TRIO: variants seen among roughly 807,000 people sequenced by gnomAD.
The protein encoded by TRIO is triple functional domain protein.
TRIO carries 58 observed loss-of-function variants against 351.9 expected under a neutral mutation model. That is an observed-to-expected ratio of 0.16 (90% CI 0.13 to 0.21). TRIO has a LOEUF of 0.21. Ranked by LOEUF, TRIO falls within the 10% of genes least tolerant of loss-of-function variation. The probability of loss-of-function intolerance (pLI) is 1.00; values close to 1 mark genes in which losing one functional copy is unlikely to be tolerated. For missense variants in TRIO, 3,201 were observed against 4,027.8 expected, an observed-to-expected ratio of 0.79 and a Z score of 5.56; for synonymous variants, 1,758 against 1,595.7, an observed-to-expected ratio of 1.10 and a Z score of -2.42.
At chr5:14,290,114 C>T (rs1017946764) in intron 4 of TRIO, among the ~76,000 whole-genome samples, 5 of 152,112 alleles carry the variant, frequency 3.3e-5, no homozygotes, top group African/African-American at 1.2e-4. Context: ...ATTTGATGGG[C>T]AGTGGGGTTA....
intron 2 of TRIO, among the ~76,000 whole-genome samples, chr5:14,277,681 T>A (rs1581510096): frequency 6.6e-6 from 1 of 152,220 alleles, no homozygotes; most frequent in African/African-American, 2.4e-5. Flanking sequence ...TTCTGCGTTA[T>A]ACTCAGATGC....
intron 21 of TRIO, among the ~76,000 whole-genome samples, chr5:14,385,157 C>T (rs780040612): frequency 5.3e-5 from 8 of 152,316 alleles, no homozygotes; most frequent in South Asian, 2.1e-4. Context: ...CAGAGGCCTC[C>T]GGTGGCATCT....
At chr5:14,222,913 G>A (rs927026032) in intron 1 of TRIO, among the ~76,000 whole-genome samples, 5 of 152,192 alleles carry the variant, frequency 3.3e-5, no homozygotes, top group Non-Finnish European at 5.9e-5. Context: ...AGAATCAGAT[G>A]GCGTGCAGTG....
At chr5:14,397,500 G>T (rs942848816) in intron 29 of TRIO, among the ~76,000 whole-genome samples, 3 of 152,188 alleles carry the variant, frequency 2.0e-5, no homozygotes, top group African/African-American at 4.8e-5. Flanking sequence ...ATCCTTAAAA[G>T]AATGTGTTGC....
At chr5:14,212,435 A>G (rs1046382558) in intron 1 of TRIO, among the ~76,000 whole-genome samples, 10 of 151,384 alleles carry the variant, frequency 6.6e-5, no homozygotes, top group Non-Finnish European at 1.5e-4. Context: ...TTCCACCCCA[A>G]CTCTCCCTCC....
intron 34 of TRIO, among the ~76,000 whole-genome samples, chr5:14,428,121 T>C (rs1466703814): frequency 6.6e-6 from 1 of 152,154 alleles, no homozygotes; most frequent in African/African-American, 2.4e-5. Flanking sequence ...AATCTGAGTC[T>C]CCTCAGAGTC....
At chr5:14,374,412 C>T (rs538726098) in intron 19 of TRIO, 69 bp downstream of exon 19, 29 of 1,208,916 alleles carry the variant, frequency 2.4e-5, no homozygotes, top group Middle Eastern at 2.0e-4. Context: ...GGAGCCTGCA[C>T]GTTGTGTTCT....
At chr5:14,151,646 G>A (rs1212007285) in intron 1 of TRIO, among the ~76,000 whole-genome samples, 6 of 152,140 alleles carry the variant, frequency 3.9e-5, no homozygotes, top group African/African-American at 9.7e-5. Flanking sequence ...ATGAGAAGTC[G>A]TTAAGATGTT....
At chr5:14,375,302 C>T (rs779299097) in intron 19 of TRIO, among the ~76,000 whole-genome samples, 38 of 152,158 alleles carry the variant, frequency 2.5e-4, no homozygotes, top group Non-Finnish European at 4.3e-4. Flanking sequence ...TGGCTCATTT[C>T]CTGTAGAAAT....
intron 1 of TRIO, among the ~76,000 whole-genome samples, chr5:14,241,492 A>G (rs1341370605): frequency 6.6e-6 from 1 of 152,198 alleles, no homozygotes; most frequent in Non-Finnish European, 1.5e-5. Context: ...GTAATAGAGT[A>G]AGCTGTTGGT....
chr5:14,356,187 A>G (rs1344770975), intron 11 of TRIO, among the ~76,000 whole-genome samples: 1 of 152,246 alleles, frequency 6.6e-6, no homozygotes, highest in African/African-American at 2.4e-5. Flanking sequence ...GCAAATAACA[A>G]TAAAAGTATA....
intron 3 of TRIO, among the ~76,000 whole-genome samples, chr5:14,281,399 A>C (rs1312960112): frequency 6.8e-6 from 1 of 146,184 alleles, no homozygotes; most frequent in Non-Finnish European, 1.5e-5. Flanking sequence ...GGACAGCACT[A>C]GGGAGATGGT....
chr5:14,478,498 T>G (rs1755260727), intron 41 of TRIO, among the ~76,000 whole-genome samples: 1 of 152,162 alleles, frequency 6.6e-6, no homozygotes, highest in Admixed American at 6.5e-5. Context: ...CACTGTACTT[T>G]GAGGATCACT....
chr5:14,324,063 A>T (rs898823912), intron 9 of TRIO, among the ~76,000 whole-genome samples: 2 of 152,216 alleles, frequency 1.3e-5, no homozygotes, highest in African/African-American at 4.8e-5. Context: ...AGAATGTAAT[A>T]TGTTCATTTC....
intron 3 of TRIO, among the ~76,000 whole-genome samples, chr5:14,281,772 G>A (rs933884414): frequency 6.6e-6 from 1 of 152,226 alleles, no homozygotes; most frequent in Middle Eastern, 3.4e-3. Context: ...TTTCCTAAGA[G>A]ACTAAATGAG....
In TRIO at chr5:14,389,348, A is replaced by C. The variant is rs1256376026; in HGVS notation, c.4008A>C (p.Lys1336Asn). 6.2e-7 allele frequency: 1 copy of C among 1,612,726 alleles called. No homozygotes were observed. ...VEEIPPGIVN[K>N]ELIIFGNMQE... ...AGATTCCACCTGGCATTGTAAACAA[A>C]GAACTCATCATCTTCGGAAACATGC... The change falls in exon 25 of 57, where the codon AAA becomes AAC. Residue 1336 changes from lysine (K) to asparagine (N), a missense_variant. Physicochemically the swap from Lys to Asn is moderately conservative, Grantham distance 94. Transcript: ENST00000344204.
intron 11 of TRIO, among the ~76,000 whole-genome samples, chr5:14,349,946 T>C (rs368405003): frequency 3.3e-5 from 5 of 152,342 alleles, no homozygotes; most frequent in Admixed American, 1.3e-4. Flanking sequence ...TCTTACTGTT[T>C]AGCTCCCACT....
intron 1 of TRIO, among the ~76,000 whole-genome samples, chr5:14,186,838 A>G (rs1331431892): frequency 6.6e-6 from 1 of 152,170 alleles, no homozygotes; most frequent in East Asian, 1.9e-4. Flanking sequence ...TCGGCCTCCC[A>G]AAATGCTGGG....
intron 35 of TRIO, 57 bp from the exon 36 acceptor site, chr5:14,462,698 G>T (rs946597963): frequency 3.8e-6 from 6 of 1,598,736 alleles, no homozygotes; most frequent in Non-Finnish European, 5.1e-6. Context: ...AGTAACCCTT[G>T]GTCCACGTCT....
Sources: gnomAD v4.1 joint callset for allele counts (sites outside exome capture counted in the v4.1 genomes callset) on GRCh38, gnomAD v4.1.1 for gene constraint, MANE v1.5 for transcripts, NCBI Gene and HGNC (gene_info 2026-07-23, HGNC 2026-07-21) for gene names.